The following ANK2 variants were observed in gnomAD, a reference collection of about 807,000 sequenced individuals.
The protein encoded by ANK2 is ankyrin-2.
A neutral mutation model predicts 360.5 loss-of-function variants in ANK2; 83 were observed. The observed-to-expected ratio is 0.23, with a 90% CI of 0.19 to 0.28. The LOEUF (loss-of-function observed/expected upper bound fraction) is 0.28, where lower values mean the gene tolerates loss of function less well. Among genes scored for constraint, ANK2 ranks in the 10% least tolerant of loss-of-function variants. The probability of loss-of-function intolerance (pLI) is 1.00; values close to 1 mark genes in which losing one functional copy is unlikely to be tolerated. For synonymous variants in ANK2, 1,740 were observed against 1,759.5 expected, an observed-to-expected ratio of 0.99 and a Z score of 0.28; for missense variants, 4,201 against 4,795.7, an observed-to-expected ratio of 0.88 and a Z score of 3.66.
chr4:112,796,981 A>T, the ANK2 span: 1 of 156,882 alleles, frequency 6.4e-6, no homozygotes, highest in Non-Finnish European at 1.4e-5. Flanking sequence ...CTTTGAAAAT[A>T]TACCCTCAGG....
At chr4:113,232,032 G>A in intron 4 of ANK2, 129 bp from the exon 5 acceptor site, 1 of 701,612 alleles carries the variant, frequency 1.4e-6, no homozygotes, top group Non-Finnish European at 2.5e-6. Flanking sequence ...GCTTTATAAT[G>A]ATAAATATGT....
chr4:112,938,731 G>A (rs17045135), intron 2 of ANK2, among the ~76,000 whole-genome samples: 2,750 of 152,264 alleles, frequency 0.018, 51 homozygotes, highest in African/African-American at 0.048. Context: ...TATAAATGAA[G>A]AATGCTGAAA....
chr4:113,015,847 G>A (rs1438840703), intron 2 of ANK2, among the ~76,000 whole-genome samples: 1 of 152,076 alleles, frequency 6.6e-6, no homozygotes, highest in African/African-American at 2.4e-5. Context: ...CTTTGCTCAA[G>A]GTTTGATGAA....
At chr4:113,338,175 A>G (rs774496896) in intron 31 of ANK2, among the ~76,000 whole-genome samples, 2 of 152,234 alleles carry the variant, frequency 1.3e-5, no homozygotes, top group Admixed American at 6.5e-5. Context: ...ATAAACTTCC[A>G]TAAACTTTCT....
At chr4:113,196,562 C>T in intron 3 of ANK2, 96 bp downstream of exon 3, 2 of 1,166,870 alleles carry the variant, frequency 1.7e-6, no homozygotes, top group Non-Finnish European at 2.5e-6. Flanking sequence ...AGGTCTCTTT[C>T]TGTTGCCCAG....
chr4:113,111,006 T>C (rs1339269762), intron 1 of ANK2, among the ~76,000 whole-genome samples: 1 of 152,170 alleles, frequency 6.6e-6, no homozygotes, highest in Non-Finnish European at 1.5e-5. Flanking sequence ...CCAAGCATAC[T>C]GAATTCATGG....
intron 1 of ANK2, among the ~76,000 whole-genome samples, chr4:113,069,400 T>G (rs968016823): frequency 1.3e-5 from 2 of 152,196 alleles, no homozygotes; most frequent in African/African-American, 4.8e-5. Flanking sequence ...CAGTGGACAG[T>G]GTGCAATAGC....
rs767822544 is a variant in ANK2, at chr4:113,355,335, C to A, written c.6717C>A (p.Thr2239=). The change falls in exon 38 of 46, where the codon ACC becomes ACA. Residue 2239 remains threonine, a synonymous_variant. Coordinates refer to ENST00000357077, the MANE Select transcript of ANK2 (RefSeq NM_001148.6). Reference sequence around the variant, plus strand: ...ATAAGCATGAAGGCCTAGCAGAGACCCCTGAGACGAGCCCAGAAAGCCTTT... The same window carrying A: ...ATAAGCATGAAGGCCTAGCAGAGACACCTGAGACGAGCCCAGAAAGCCTTT... ...ESYKHEGLAE[T]PETSPESLSF... 16 of 1,613,948 alleles carry A rather than the reference C, an allele frequency of 9.9e-6. No homozygotes were observed. The South Asian group carries it at 1.8e-4, about 18-fold the overall frequency.
intron 1 of ANK2, chr4:112,882,445 AT>A (rs1190893172): frequency 6.6e-6 from 1 of 151,268 alleles, no homozygotes; most frequent in East Asian, 1.9e-4. Context: ...TTAAAAAAAA[AT>A]ATTACTAGTT....
intron 2 of ANK2, among the ~76,000 whole-genome samples, chr4:113,040,275 G>T (rs2062636577): frequency 6.6e-6 from 1 of 151,996 alleles, no homozygotes; most frequent in African/African-American, 2.4e-5. Flanking sequence ...TATTGTTGCT[G>T]ATATTTATGT....
At position 113,333,167 on chromosome 4, in the gene ANK2, C is replaced by T. The variant is rs2153943068; in HGVS notation, c.3338C>T (p.Thr1113Ile). ...TGGAAAGAGCATTTCTGTGACTACA[C>T]TGAAGATGAATTGAATGAAATTCTT... ...DSWKEHFCDY[T>I]EDELNEILNG... The change falls in exon 29 of 46, where the codon ACT (threonine) becomes ATT (isoleucine). Residue 1113 changes from threonine (T) to isoleucine (I), a missense_variant. Around this residue, in one of 4 missense-constraint regions of ANK2, gnomAD observed 1,268 missense variants for 1,650.8 expected, o/e 0.77. Transcript: ENST00000357077. 1 of 1,614,188 alleles carries T rather than the reference C, an allele frequency of 6.2e-7. No individual in the cohort carries two copies. The highest frequency in any genetic ancestry group is 8.5e-7 in the Non-Finnish European group (1 of 1,180,048).
At chr4:112,828,545 T>TAAATATA (rs2058965413) in intron 1 of ANK2, among the ~76,000 whole-genome samples, 1 of 152,134 alleles carries the variant, frequency 6.6e-6, no homozygotes, top group Non-Finnish European at 1.5e-5. Context: ...ATTAAGGACT[T>TAAATATA]AAATATAAAA....
At chr4:113,056,692 T>C (rs1018033563) in intron 1 of ANK2, among the ~76,000 whole-genome samples, 52 of 152,168 alleles carry the variant, frequency 3.4e-4, no homozygotes, top group African/African-American at 1.1e-3. Flanking sequence ...CAAATAAATA[T>C]GATAGAGTAT....
intron 13 of ANK2, among the ~76,000 whole-genome samples, chr4:113,262,181 G>T (rs1442854097): frequency 6.6e-6 from 1 of 152,112 alleles, no homozygotes; most frequent in African/African-American, 2.4e-5. Flanking sequence ...TAGTAAAATT[G>T]CTAGCCTTTT....
chr4:113,145,692 G>A lies in ANK2; in HGVS notation c.85-28724G>A, dbSNP rs2096801486. 6.1e-6 allele frequency: 7 copies of A among 1,141,214 alleles called. No homozygotes were observed. In the African/African-American group the frequency reaches 6.4e-5, roughly 10 times the overall value. The allele number at this position is 1,141,214 out of a possible 1,614,324, so 70.7% of individuals were successfully genotyped here. ...TTGCCGGGGGTTTTGAGTTCTCTCT[G>A]ACACCAGCAAGCCAGCTAGCAGATG... is the stretch of plus-strand genomic sequence containing the variant. On this transcript the variant is annotated intron_variant, in intron 1 of 45. Coordinates refer to ENST00000357077, the MANE Select transcript of ANK2 (RefSeq NM_001148.6).
At chr4:113,185,051 C>T (rs904405298) in intron 2 of ANK2, among the ~76,000 whole-genome samples, 18 of 152,136 alleles carry the variant, frequency 1.2e-4, no homozygotes, top group Non-Finnish European at 5.9e-5. Flanking sequence ...TTTTTTATGG[C>T]TGCATAGTAT....
chr4:113,368,681 T>C (rs950259402), intron 42 of ANK2, among the ~76,000 whole-genome samples: 13 of 152,164 alleles, frequency 8.5e-5, no homozygotes, highest in African/African-American at 2.7e-4. Flanking sequence ...ATTTCGCTTG[T>C]CATTTGGTGA....
upstream of ANK2, chr4:113,049,507 T>C: frequency 1.2e-6 from 1 of 808,090 alleles, no homozygotes; most frequent in Non-Finnish European, 1.8e-6. Context: ...TTGTAACCGG[T>C]TCCTGATGGT....
intron 4 of ANK2, among the ~76,000 whole-genome samples, chr4:113,224,374 G>C (rs182034789): frequency 6.6e-6 from 1 of 152,320 alleles, no homozygotes; most frequent in Admixed American, 6.5e-5. Flanking sequence ...CTCAGAGAGA[G>C]TAACACTTAT....
Sources: allele counts gnomAD v4.1 joint callset (sites outside exome capture counted in the v4.1 genomes callset), GRCh38; gene constraint gnomAD v4.1.1; regional missense constraint gnomAD v4.1.1; transcripts MANE v1.5; gene names NCBI Gene and HGNC (gene_info 2026-07-23, HGNC 2026-07-21).